The following PRH1 variants were observed in gnomAD, a reference collection of about 807,000 sequenced individuals.
PRH1 encodes the protein proline rich protein HaeIII subfamily 1.
PRH1 carries 7 observed loss-of-function variants against 7.9 expected under a neutral mutation model. That is an observed-to-expected ratio of 0.89 (90% CI 0.50 to 1.67). PRH1 has a LOEUF of 1.67. Ranked by LOEUF, PRH1 falls within the 40% of genes most tolerant of loss-of-function variation. PRH1 has a pLI of 0.00. For missense variants in PRH1, 109 were observed against 223.6 expected, an observed-to-expected ratio of 0.49 and a Z score of 3.27; for synonymous variants, 45 against 80.8, an observed-to-expected ratio of 0.56 and a Z score of 2.38.
At chr12:10,913,002 G>A (rs1949921996) in intron 2 of PRH1, among the ~76,000 whole-genome samples, 2 of 152,132 alleles carry the variant, frequency 1.3e-5, no homozygotes, top group East Asian at 3.9e-4. Flanking sequence ...AAACTATCCT[G>A]CTATGAGTAT....
chr12:11,020,371 T>G (rs200418565), intron 1 of PRH1, among the ~76,000 whole-genome samples: 6,039 of 84,864 alleles, frequency 0.071, 584 homozygotes, highest in African/African-American at 0.16. Flanking sequence ...GCGATATATA[T>G]ATATATATAT....
chr12:10,905,169 T>C (rs1035787509), intron 2 of PRH1, among the ~76,000 whole-genome samples: 1 of 152,020 alleles, frequency 6.6e-6, no homozygotes, highest in African/African-American at 2.4e-5. Flanking sequence ...AGTCATCCCA[T>C]TACTCAGTAT....
At chr12:11,147,173 T>A (rs534499525) in intron 1 of PRH1, among the ~76,000 whole-genome samples, 2 of 152,226 alleles carry the variant, frequency 1.3e-5, no homozygotes, top group Non-Finnish European at 2.9e-5. Flanking sequence ...TCAGTTTATC[T>A]ATGAACATGA....
At chr12:11,083,348 A>AATT (rs1944555781) in intron 1 of PRH1, among the ~76,000 whole-genome samples, 1 of 55,480 alleles carries the variant, frequency 1.8e-5, no homozygotes, top group Non-Finnish European at 5.0e-5. Flanking sequence ...TTCCTTTTTT[A>AATT]AATTAAAGAA....
chr12:10,883,138 A>T (rs1434040282), intron 1 of PRH1, 42 bp from the exon 2 acceptor site: 1 of 1,597,830 alleles, frequency 6.3e-7, no homozygotes. Flanking sequence ...TTACTTCCTG[A>T]ATCATTCAAG....
rs1194762908 is a variant in PRH1, at chr12:10,941,555, ATTAT to A, written c.-59+32096_-59+32099del. Among the ~76,000 whole-genome samples the A allele has an allele frequency of 7.1e-4, 94 of 132,132 alleles. 1 individual carries two copies. Among genetic ancestry groups the A allele is most frequent in the Admixed American group, 3.4e-3 (42 of 12,288 alleles). The allele number at this position is 132,132 out of a possible 152,430, so 86.7% of individuals were successfully genotyped here. ...TTGAATTTATTTATTATTAAAATTT[ATTAT>A]TTATTTATTATTAAAATTTATTATT... On this transcript the variant is annotated intron_variant, in intron 2 of 3. Coordinates refer to the PRH1 transcript ENST00000539853.
intron 2 of PRH1, among the ~76,000 whole-genome samples, chr12:10,929,005 C>T (rs188078774): frequency 5.9e-5 from 9 of 152,152 alleles, no homozygotes; most frequent in Admixed American, 3.3e-4. Context: ...GACACAGTTC[C>T]GTCAAAACAT....
Position 10,997,613 on chromosome 12 carries a change from C to A in PRH1, c.-125-23892G>T, listed in dbSNP as rs141092755. On this transcript the variant is annotated intron_variant, in intron 1 of 3. Coordinates refer to the PRH1 transcript ENST00000539853. ...GATGCTGAAATGATTGGTTACTGCC[C>A]AGGCATTAGAAATAAAAATTATTAC... The A allele has an allele frequency of 4.1e-4, 656 of 1,613,886 alleles. 2 individuals are homozygous for A. The African/African-American group carries it at 8.2e-3, about 20-fold the overall frequency.
In PRH1 at chr12:11,090,185, G is replaced by T. The variant is rs534633258; in HGVS notation, n.124-42997C>A. ...AACACCCTTTCATTTCATCATTGATGACAAAATTACAAAGTTACGGCTCAT... is the reference window on the plus strand; with the variant it reads ...AACACCCTTTCATTTCATCATTGATTACAAAATTACAAAGTTACGGCTCAT... On this transcript the variant is annotated intron_variant and non_coding_transcript_variant, in intron 1 of 4. Transcript: ENST00000541977. 4.9e-5 allele frequency among the ~76,000 whole-genome samples: 5 copies of T among 102,676 alleles called. 1 individual carries two copies. The South Asian group carries it at 1.3e-3, about 27-fold the overall frequency. 67.4% of individuals were successfully genotyped at this position (102,676 alleles called of 152,430 possible).
rs375822837 is a variant in PRH1, at chr12:11,134,089, C to T, written n.40-12909G>A. On this transcript the variant is annotated intron_variant and non_coding_transcript_variant, in intron 1 of 1. Transcript: ENST00000541175. ...CCCAGAGCAAACCAACTCTGGAGAC[C>T]GCCAGAGCAGTGAGAATTTGGTCAA... 8.9e-5 allele frequency: 144 copies of T among 1,614,060 alleles called. No homozygotes were observed. In the Middle Eastern group the frequency reaches 9.9e-4, roughly 11 times the overall value.
intron 2 of PRH1, among the ~76,000 whole-genome samples, chr12:10,950,219 T>C (rs1950548170): frequency 6.6e-6 from 1 of 152,154 alleles, no homozygotes. Context: ...CACACTTTTT[T>C]CATATGTATT....
intron 1 of PRH1, among the ~76,000 whole-genome samples, chr12:11,069,769 G>A (rs10845301): frequency 0.93 from 137,821 of 147,748 alleles, 64,065 homozygotes; most frequent in Middle Eastern, 0.95. Context: ...TCCTGAGGTC[G>A]GCCTTTGAAG....
intron 1 of PRH1, among the ~76,000 whole-genome samples, chr12:11,095,959 C>T (rs1483108478): frequency 8.8e-6 from 1 of 113,766 alleles, no homozygotes; most frequent in African/African-American, 3.0e-5. Flanking sequence ...ATCAGCTTGT[C>T]GTTTAGACAG....
intron 2 of PRH1, among the ~76,000 whole-genome samples, chr12:10,905,734 T>G (rs186087896): frequency 1.3e-5 from 2 of 150,454 alleles, no homozygotes; most frequent in African/African-American, 4.9e-5. Context: ...ATGTAGCCAT[T>G]AAAAAAAAAT....
chr12:11,008,664 A>C (rs1359520182), intron 1 of PRH1, among the ~76,000 whole-genome samples: 2 of 152,190 alleles, frequency 1.3e-5, no homozygotes, highest in Non-Finnish European at 2.9e-5. Context: ...TGGACTTAAC[A>C]TTATGAATCT....
intron 1 of PRH1, chr12:10,997,797 T>C (rs745989110): frequency 1.2e-6 from 2 of 1,613,580 alleles, no homozygotes; most frequent in South Asian, 2.2e-5. Context: ...ATCAGTGCTA[T>C]AAAGCCATTG....
Position 11,022,237 on chromosome 12 carries a change from T to C in PRH1, c.-126+24783A>G, listed in dbSNP as rs776007129. 9.9e-6 allele frequency: 16 copies of C among 1,614,038 alleles called. No homozygotes were observed. The East Asian group carries it at 2.0e-4, about 20-fold the overall frequency. ...GTGGAGAGAAATAAGGTTGGAGAAA[T>C]TGGCAATCTTGAGCAAACAAAATAT... On this transcript the variant is annotated intron_variant, in intron 1 of 3. Transcript: ENST00000539853.
At chr12:11,002,731 C>A (rs1000711945) in intron 1 of PRH1, among the ~76,000 whole-genome samples, 1 of 151,988 alleles carries the variant, frequency 6.6e-6, no homozygotes, top group African/African-American at 2.4e-5. Context: ...TCAAAGATTA[C>A]ACTAAATATG....
chr12:11,081,602 T>C (rs1944503442), intron 1 of PRH1, among the ~76,000 whole-genome samples: 1 of 116,754 alleles, frequency 8.6e-6, no homozygotes, highest in African/African-American at 2.9e-5. Context: ...AGCTTGTCTG[T>C]TGCTGGGTCA....
Sources: allele counts gnomAD v4.1 joint callset (sites outside exome capture counted in the v4.1 genomes callset), GRCh38; gene constraint gnomAD v4.1.1; transcripts MANE v1.5; gene names NCBI Gene and HGNC (gene_info 2026-07-23, HGNC 2026-07-21).